STK32B: variants seen among roughly 807,000 people sequenced by gnomAD.
STK32B encodes serine/threonine kinase 32B, also known as serine/threonine-protein kinase 32B.
In STK32B, 43 loss-of-function variants were observed where a neutral mutation model predicts 52.6. The ratio of observed to expected loss-of-function variants is 0.82; its 90% CI spans 0.64 to 1.05. The LOEUF is 1.05. Ranked by LOEUF, STK32B falls within the 50% of genes least tolerant of loss-of-function variation. The probability of loss-of-function intolerance (pLI) is 0.00; values close to 1 mark genes in which losing one functional copy is unlikely to be tolerated. For missense variants in STK32B, 621 were observed against 534.6 expected (o/e 1.16, Z -1.59); for synonymous variants, 238 against 204.3 (o/e 1.17, Z -1.41).
intron 11 of STK32B, among the ~76,000 whole-genome samples, chr4:5,495,699 T>C (rs1013360982): frequency 1.3e-5 from 2 of 152,122 alleles, no homozygotes; most frequent in South Asian, 4.1e-4. Context: ...TTCCCCATCT[T>C]TGTGGTTTTA....
intron 4 of STK32B, among the ~76,000 whole-genome samples, chr4:5,388,926 C>T (rs1736423085): frequency 6.6e-6 from 1 of 152,090 alleles, no homozygotes; most frequent in African/African-American, 2.4e-5. Flanking sequence ...ACATCCAGGC[C>T]CCATGGAGTG....
At chr4:5,419,388 T>C (rs1482307317) in intron 6 of STK32B, among the ~76,000 whole-genome samples, 1 of 152,172 alleles carries the variant, frequency 6.6e-6, no homozygotes, top group Non-Finnish European at 1.5e-5. Context: ...AGTTTTTCCT[T>C]GGGGCTTTTT....
chr4:5,447,800 T>C (rs1165702350), intron 7 of STK32B, among the ~76,000 whole-genome samples: 2 of 152,342 alleles, frequency 1.3e-5, no homozygotes, highest in East Asian at 3.9e-4. Context: ...AGCTGGAGTT[T>C]TAGGATTCCT....
chr4:5,354,968 A>G (rs916485401), intron 4 of STK32B, among the ~76,000 whole-genome samples: 3 of 152,192 alleles, frequency 2.0e-5, no homozygotes, highest in African/African-American at 7.2e-5. Flanking sequence ...ATGAGCCAAG[A>G]AATGCAGACA....
intron 4 of STK32B, among the ~76,000 whole-genome samples, chr4:5,334,077 AT>A (rs1732462171): frequency 1.3e-5 from 2 of 152,098 alleles, no homozygotes; most frequent in South Asian, 4.1e-4. Flanking sequence ...CAGTATGGCC[AT>A]TTTCACGATA....
chr4:5,446,822 G>A, intron 7 of STK32B, 46 bp downstream of exon 7: 1 of 1,592,226 alleles, frequency 6.3e-7, no homozygotes, highest in Non-Finnish European at 8.6e-7. Context: ...TGTGCAGTGG[G>A]GGCTCACGTT....
chr4:5,275,710 G>T (rs1246173003), intron 3 of STK32B, among the ~76,000 whole-genome samples: 1 of 152,006 alleles, frequency 6.6e-6, no homozygotes, highest in African/African-American at 2.4e-5. Context: ...AATGAATTGG[G>T]ATTGAAGGCT....
At chr4:5,449,954 C>A (rs866078173) in intron 7 of STK32B, among the ~76,000 whole-genome samples, 1 of 152,106 alleles carries the variant, frequency 6.6e-6, no homozygotes, top group South Asian at 2.1e-4. Context: ...ATTACAATAT[C>A]ATAATAATAA....
intron 3 of STK32B, among the ~76,000 whole-genome samples, chr4:5,327,913 T>C (rs952950878): frequency 1.6e-4 from 24 of 152,366 alleles, no homozygotes; most frequent in African/African-American, 5.5e-4. Context: ...TCCTGTTTGG[T>C]GTATTCACCT....
At chr4:5,472,750 C>A (rs1717937257) in intron 11 of STK32B, among the ~76,000 whole-genome samples, 1 of 152,166 alleles carries the variant, frequency 6.6e-6, no homozygotes. Flanking sequence ...TTTAAAAAAT[C>A]TACTATTGCA....
In STK32B at chr4:5,498,948, C is replaced by T; in HGVS notation, c.1110C>T (p.Leu370=). The T allele has an allele frequency of 6.2e-7, 1 of 1,611,832 alleles. No homozygotes were observed. Among genetic ancestry groups the T allele is most frequent in the Non-Finnish European group, 8.5e-7 (1 of 1,178,860 alleles). ...TCAGATCTGTGCTTGTTTGCAGGCT[C>T]AGGAGGCAGCAGGGACAGGGCAGCC... is the stretch of plus-strand genomic sequence containing the variant. ...EEFIIFNREK[L]RRQQGQGSQL... Residue 370 remains leucine (L), a synonymous_variant, in exon 12 of 12, where the codon CTC becomes CTT. Coordinates refer to ENST00000282908, the MANE Select transcript of STK32B (RefSeq NM_018401.3).
intron 1 of STK32B, among the ~76,000 whole-genome samples, chr4:5,053,674 G>A (rs191526567): frequency 2.6e-5 from 4 of 152,142 alleles, no homozygotes; most frequent in African/African-American, 4.8e-5. Context: ...TGCCTGTTTC[G>A]GTGCTTGTTA....
At chr4:5,244,533 G>A (rs1201257674) in intron 3 of STK32B, among the ~76,000 whole-genome samples, 2 of 152,068 alleles carry the variant, frequency 1.3e-5, no homozygotes, top group African/African-American at 4.8e-5. Flanking sequence ...ACTAGCTCCT[G>A]GATTCATTGA....
At chr4:5,233,096 G>A (rs1390203194) in intron 3 of STK32B, among the ~76,000 whole-genome samples, 3 of 152,142 alleles carry the variant, frequency 2.0e-5, no homozygotes, top group Non-Finnish European at 2.9e-5. Flanking sequence ...TACCTAATAT[G>A]ATGCATCAGT....
At chr4:5,318,110 T>A (rs1406920836) in intron 3 of STK32B, among the ~76,000 whole-genome samples, 1 of 152,096 alleles carries the variant, frequency 6.6e-6, no homozygotes, top group Non-Finnish European at 1.5e-5. Flanking sequence ...CACGTGTGTG[T>A]GTGTGTGTGC....
At chr4:5,024,741 C>T in the STK32B span, among the ~76,000 whole-genome samples, 21 of 152,234 alleles carry the variant, frequency 1.4e-4, no homozygotes, top group African/African-American at 4.8e-4. Flanking sequence ...GTTCTGCCCA[C>T]GTTAGAGCAA....
At chr4:5,109,082 A>G (rs1714256965) in intron 1 of STK32B, among the ~76,000 whole-genome samples, 1 of 152,172 alleles carries the variant, frequency 6.6e-6, no homozygotes, top group Non-Finnish European at 1.5e-5. Flanking sequence ...TGTCCAGTTA[A>G]TGCAGACTAA....
chr4:5,453,664 G>A lies in STK32B; in HGVS notation c.667-3143G>A, dbSNP rs867152066. Among the ~76,000 whole-genome samples the A allele has an allele frequency of 9.8e-5, 15 of 152,296 alleles. No individual in the cohort carries two copies. Among genetic ancestry groups the A allele is most frequent in the Middle Eastern group, 3.4e-3 (1 of 294 alleles). ...TACGTCTGTAATCCCAGCACTCTGG[G>A]AGGCTGAGACGGGCAGATCACCTGA... On this transcript the variant is annotated intron_variant, in intron 7 of 11. Transcript: ENST00000282908. This position sits in a 1 kb window ranked among gnomAD's most constrained non-coding sequence, Gnocchi z 4.0.
intron 6 of STK32B, among the ~76,000 whole-genome samples, chr4:5,417,379 G>T (rs1233889559): frequency 6.6e-6 from 1 of 152,078 alleles, no homozygotes; most frequent in African/African-American, 2.4e-5. Flanking sequence ...CTGTTCTCTT[G>T]TTTTTATCTT....
Sources: allele counts gnomAD v4.1 joint callset (sites outside exome capture counted in the v4.1 genomes callset), GRCh38; gene constraint gnomAD v4.1.1; non-coding constraint Gnocchi (gnomAD v3.1); transcripts MANE v1.5; gene names NCBI Gene and HGNC (gene_info 2026-07-23, HGNC 2026-07-21).